The following IL34 variants were observed in gnomAD, a reference collection of about 807,000 sequenced individuals.
IL34 encodes the protein interleukin-34.
A neutral mutation model predicts 25.3 loss-of-function variants in IL34; 17 were observed. The ratio of observed to expected loss-of-function variants is 0.67; its 90% CI spans 0.46 to 1.01. The LOEUF (loss-of-function observed/expected upper bound fraction) is 1.01. IL34 is among the 50% of genes least tolerant of loss of function. The pLI, the probability that IL34 is intolerant of heterozygous loss-of-function variation, is 0.00. For synonymous variants in IL34, 174 were observed against 140.9 expected (o/e 1.23, Z -1.66); for missense variants, 368 against 312.9 (o/e 1.18, Z -1.33).
chr16:70,612,320 G>GCTGGGGT (rs1292344756), intron 1 of IL34, among the ~76,000 whole-genome samples: 1 of 151,800 alleles, frequency 6.6e-6, no homozygotes, highest in Non-Finnish European at 1.5e-5. Context: ...AGCACTGGGG[G>GCTGGGGT]CTGGGGGCTG....
At chr16:70,642,091 T>A (rs955921499), upstream of IL34, among the ~76,000 whole-genome samples, 1 of 152,142 alleles carries the variant, frequency 6.6e-6, no homozygotes, top group Non-Finnish European at 1.5e-5. Flanking sequence ...AACAGAAATC[T>A]GTTTTCTCAC....
chr16:70,647,097 G>A, intron 1 of IL34, 122 bp downstream of exon 1: 1 of 868,336 alleles, frequency 1.2e-6, no homozygotes, highest in Non-Finnish European at 1.6e-6. Context: ...TTCCCAGCCG[G>A]ACTGCAGACA....
chr16:70,581,783 G>A (rs2050638229), intron 1 of IL34, among the ~76,000 whole-genome samples: 1 of 152,068 alleles, frequency 6.6e-6, no homozygotes, highest in Non-Finnish European at 1.5e-5. Flanking sequence ...TAAAATAGAG[G>A]TTATAAAACT....
chr16:70,647,237 C>CT (rs764654345), intron 1 of IL34, among the ~76,000 whole-genome samples: 16 of 152,178 alleles, frequency 1.1e-4, no homozygotes, highest in Non-Finnish European at 2.4e-4. Flanking sequence ...GGGGCAGGCA[C>CT]TGGGGGTAGG....
At chr16:70,642,427 A>C (rs2051808105), upstream of IL34, among the ~76,000 whole-genome samples, 1 of 150,482 alleles carries the variant, frequency 6.6e-6, no homozygotes, top group African/African-American at 2.5e-5. Flanking sequence ...CCTCCTGAGT[A>C]GCTGGGATTA....
At chr16:70,615,546 T>C (rs2051161090) in intron 1 of IL34, among the ~76,000 whole-genome samples, 1 of 152,114 alleles carries the variant, frequency 6.6e-6, no homozygotes. Context: ...AAAGATACAC[T>C]GTCTCTGAAA....
At chr16:70,637,528 G>GA (rs1330060964) in intron 1 of IL34, among the ~76,000 whole-genome samples, 4 of 151,918 alleles carry the variant, frequency 2.6e-5, no homozygotes, top group African/African-American at 9.7e-5. Flanking sequence ...TATTTTAGTA[G>GA]AGACGGGGTT....
intron 1 of IL34, among the ~76,000 whole-genome samples, chr16:70,614,045 G>C (rs148259334): frequency 1.3e-5 from 2 of 151,772 alleles, no homozygotes; most frequent in African/African-American, 4.8e-5. Context: ...TTATCCAGGC[G>C]TGGTGGTGCA....
At chr16:70,614,505 T>C (rs528462629) in intron 1 of IL34, among the ~76,000 whole-genome samples, 1 of 152,338 alleles carries the variant, frequency 6.6e-6, no homozygotes, top group Admixed American at 6.5e-5. Flanking sequence ...GAAGCTCAGA[T>C]TCAACAGTGA....
Position 70,660,297 on chromosome 16 carries a change from C to A in IL34, c.*110C>A. 1 of 1,023,346 alleles carries A rather than the reference C, an allele frequency of 9.8e-7. No homozygotes were observed. Among genetic ancestry groups the A allele is most frequent in the South Asian group, 1.8e-5 (1 of 55,816 alleles). The allele number at this position is 1,023,346 out of a possible 1,614,324, so 63.4% of individuals were successfully genotyped here. ...GGTGGGAGCCCCCCTTGGGAGAGGA[C>A]CCCTGGGAAGGGTGTTTTTCCTTTG... On this transcript the variant is annotated 3_prime_UTR_variant, in exon 6 of 6. Transcript: ENST00000288098.
chr16:70,583,106 TTTG>T (rs1164731654), intron 1 of IL34, among the ~76,000 whole-genome samples: 2 of 152,052 alleles, frequency 1.3e-5, no homozygotes, highest in South Asian at 2.1e-4. Flanking sequence ...CAAGGAGTTT[TTTG>T]TTGTTGTTGT....
chr16:70,651,184 G>C (rs558639417), intron 1 of IL34, among the ~76,000 whole-genome samples: 19 of 152,234 alleles, frequency 1.2e-4, no homozygotes, highest in South Asian at 2.1e-4. Flanking sequence ...GTGGTGATGG[G>C]GGGGAGAGAA....
intron 1 of IL34, among the ~76,000 whole-genome samples, chr16:70,599,531 AT>A (rs571022559): frequency 0.13 from 16,779 of 132,742 alleles, 2,190 homozygotes; most frequent in African/African-American, 0.33. Context: ...TAATTTTTGT[AT>A]TTTTTTTTTT....
intron 1 of IL34, among the ~76,000 whole-genome samples, chr16:70,632,964 C>T (rs779052585): frequency 6.8e-6 from 1 of 147,268 alleles, no homozygotes; most frequent in African/African-American, 2.5e-5. Flanking sequence ...TAAAATGTGT[C>T]TTATCAGGAC....
chr16:70,622,580 G>C (rs1023359336), intron 1 of IL34, among the ~76,000 whole-genome samples: 1 of 152,024 alleles, frequency 6.6e-6, no homozygotes, highest in Non-Finnish European at 1.5e-5. Flanking sequence ...GTGAGGAACA[G>C]GAAAGAAGGA....
upstream of IL34, among the ~76,000 whole-genome samples, chr16:70,644,636 A>T (rs574975980): frequency 6.7e-6 from 1 of 150,352 alleles, no homozygotes; most frequent in Non-Finnish European, 1.5e-5. Context: ...ATGACAACTA[A>T]ATGTTCTAGA....
chr16:70,620,503 C>T (rs58702894), intron 1 of IL34, among the ~76,000 whole-genome samples: 5,953 of 151,848 alleles, frequency 0.039, 392 homozygotes, highest in African/African-American at 0.13. Flanking sequence ...CCTAGCTCAG[C>T]CTGGCGAGGA....
intron 1 of IL34, among the ~76,000 whole-genome samples, chr16:70,605,067 G>T (rs932939183): frequency 7.2e-5 from 11 of 152,172 alleles, no homozygotes; most frequent in Non-Finnish European, 1.2e-4. Context: ...GAAACAGCAG[G>T]TGCAAAGGGG....
At chr16:70,602,583 A>ATGTGTGTGTG (rs3058045) in intron 1 of IL34, among the ~76,000 whole-genome samples, 1,505 of 134,934 alleles carry the variant, frequency 0.011, 11 homozygotes, top group East Asian at 0.027. Context: ...TTTGGAATTG[A>ATGTGTGTGTG]TGTGTGTGTG....
Sources: gnomAD v4.1 joint callset for allele counts (sites outside exome capture counted in the v4.1 genomes callset) on GRCh38, gnomAD v4.1.1 for gene constraint, MANE v1.5 for transcripts, NCBI Gene and HGNC (gene_info 2026-07-23, HGNC 2026-07-21) for gene names.